PTPRD: variants seen among roughly 807,000 people sequenced by gnomAD.
The protein encoded by PTPRD is receptor-type tyrosine-protein phosphatase delta.
PTPRD carries 34 observed loss-of-function variants against 214.5 expected under a neutral mutation model. The ratio of observed to expected loss-of-function variants is 0.16; its 90% CI spans 0.12 to 0.21. The LOEUF (loss-of-function observed/expected upper bound fraction) is 0.21. PTPRD is among the 10% of genes least tolerant of loss of function. The pLI is 1.00. For missense variants in PTPRD, 2,545 were observed against 2,398.7 expected (o/e 1.06, Z -1.27); for synonymous variants, 1,128 against 845.7 (o/e 1.33, Z -5.79).
intron 14 of PTPRD, among the ~76,000 whole-genome samples, chr9:8,558,407 G>C (rs2084838877): frequency 6.6e-6 from 1 of 152,012 alleles, no homozygotes; most frequent in African/African-American, 2.4e-5. Context: ...TTCCCTCTCA[G>C]GATGTGGTAC....
intron 5 of PTPRD, among the ~76,000 whole-genome samples, chr9:9,813,481 G>A (rs528100193): frequency 2.2e-4 from 34 of 151,990 alleles, no homozygotes; most frequent in African/African-American, 8.2e-4. Flanking sequence ...GATTATAGCA[G>A]GTTATTAACA....
chr9:10,104,783 A>G (rs926699895), intron 3 of PTPRD, among the ~76,000 whole-genome samples: 2 of 151,942 alleles, frequency 1.3e-5, no homozygotes, highest in Non-Finnish European at 2.9e-5. Context: ...TTAAAATCCA[A>G]CATGTAGGTG....
At chr9:9,442,573 C>T (rs1182094803) in intron 8 of PTPRD, among the ~76,000 whole-genome samples, 1 of 152,130 alleles carries the variant, frequency 6.6e-6, no homozygotes, top group African/African-American at 2.4e-5. Flanking sequence ...GTATAAATGA[C>T]TGTCAAGTTC....
intron 10 of PTPRD, among the ~76,000 whole-genome samples, chr9:9,170,626 G>A (rs1433875165): frequency 6.6e-6 from 1 of 152,154 alleles, no homozygotes; most frequent in Non-Finnish European, 1.5e-5. Context: ...TTCAATGGAA[G>A]GCAAGAAGCA....
At chr9:10,046,697 A>G (rs992025108) in intron 3 of PTPRD, among the ~76,000 whole-genome samples, 4 of 151,982 alleles carry the variant, frequency 2.6e-5, no homozygotes, top group African/African-American at 9.7e-5. Context: ...TTGAAATGAT[A>G]AGATGGATGA....
chr9:8,858,013 G>A (rs1412399024), intron 11 of PTPRD: 9 of 153,014 alleles, frequency 5.9e-5, no homozygotes, highest in Non-Finnish European at 1.1e-4. Flanking sequence ...CTTCCGCGGC[G>A]GTTTCTCCTC....
At chr9:9,761,210 T>C (rs1018413851) in intron 6 of PTPRD, among the ~76,000 whole-genome samples, 3 of 152,082 alleles carry the variant, frequency 2.0e-5, no homozygotes, top group African/African-American at 7.2e-5. Flanking sequence ...TGATCAAAAA[T>C]AAAAATGAAC....
chr9:9,643,309 C>A (rs1007666923), intron 7 of PTPRD, among the ~76,000 whole-genome samples: 2 of 152,054 alleles, frequency 1.3e-5, no homozygotes, highest in African/African-American at 4.8e-5. Flanking sequence ...CAGACTTATA[C>A]TTAATCAGAA....
At chr9:10,016,861 C>G (rs980110968) in intron 4 of PTPRD, among the ~76,000 whole-genome samples, 1 of 152,030 alleles carries the variant, frequency 6.6e-6, no homozygotes, top group Non-Finnish European at 1.5e-5. Context: ...GACAGGGTCT[C>G]GCTATGTTTC....
At chr9:8,477,970 G>GC (rs1173778229) in intron 30 of PTPRD, among the ~76,000 whole-genome samples, 2 of 152,194 alleles carry the variant, frequency 1.3e-5, no homozygotes, top group Admixed American at 6.5e-5. Flanking sequence ...GTGTTCCTCA[G>GC]CTATAAAATA....
chr9:9,131,283 T>C (rs1036351696), intron 10 of PTPRD, among the ~76,000 whole-genome samples: 1 of 152,204 alleles, frequency 6.6e-6, no homozygotes. Flanking sequence ...TGAAAACTTT[T>C]AGTATTTGTG....
intron 28 of PTPRD, chr9:8,485,553 A>G (rs1386755976): frequency 3.2e-6 from 2 of 626,104 alleles, no homozygotes; most frequent in South Asian, 2.1e-5. Flanking sequence ...ACCTGAGGAC[A>G]TTGGGGTGCT....
chr9:9,100,569 A>T (rs961368944), intron 10 of PTPRD, among the ~76,000 whole-genome samples: 15 of 152,180 alleles, frequency 9.9e-5, no homozygotes, highest in Admixed American at 9.8e-4. Context: ...GATCATAGCC[A>T]CATTTATCAT....
chr9:10,094,784 C>T (rs935083840), intron 3 of PTPRD, among the ~76,000 whole-genome samples: 3 of 151,250 alleles, frequency 2.0e-5, no homozygotes, highest in Admixed American at 6.6e-5. Flanking sequence ...ATTTTCCAGG[C>T]CTAAGAATTT....
chr9:8,817,382 A>G (rs2096941945), intron 11 of PTPRD, among the ~76,000 whole-genome samples: 1 of 152,228 alleles, frequency 6.6e-6, no homozygotes, highest in Non-Finnish European at 1.5e-5. Context: ...TCTCAAGAGT[A>G]AAAGTTTTAT....
At chr9:10,049,295 G>T (rs1403038270) in intron 3 of PTPRD, among the ~76,000 whole-genome samples, 1 of 151,616 alleles carries the variant, frequency 6.6e-6, no homozygotes, top group Admixed American at 6.6e-5. Flanking sequence ...GCTTCTTGTG[G>T]GTCCATACTT....
At position 10,368,257 on chromosome 9, in the gene PTPRD, A is replaced by C. The variant is rs558890720; in HGVS notation, c.-599-27240T>G. ...CTAATTTTACAATTTACTTAGAAAA[A>C]AAGAGAGTAAATGTAATACAAAAAG... On this transcript the variant is annotated intron_variant, in intron 2 of 45. Coordinates refer to ENST00000381196, the MANE Select transcript of PTPRD (RefSeq NM_002839.4). 2.2e-4 allele frequency among the ~76,000 whole-genome samples: 33 copies of C among 152,256 alleles called. 2 individuals are homozygous for C. The South Asian group carries it at 6.6e-3, about 31-fold the overall frequency.
At chr9:9,688,929 T>A (rs1280729821) in intron 7 of PTPRD, among the ~76,000 whole-genome samples, 2 of 151,804 alleles carry the variant, frequency 1.3e-5, no homozygotes, top group Admixed American at 1.3e-4. Flanking sequence ...AATGGCTAGC[T>A]AGGTAAACAG....
chr9:10,005,615 A>G (rs967176557), intron 4 of PTPRD, among the ~76,000 whole-genome samples: 2 of 152,168 alleles, frequency 1.3e-5, no homozygotes, highest in East Asian at 3.8e-4. Flanking sequence ...GCAGAAATGC[A>G]TAAGCAGATG....
Sources: gnomAD v4.1 joint callset for allele counts (sites outside exome capture counted in the v4.1 genomes callset) on GRCh38, gnomAD v4.1.1 for gene constraint, MANE v1.5 for transcripts, NCBI Gene and HGNC (gene_info 2026-07-23, HGNC 2026-07-21) for gene names.